Variants in VPS13D observed in about 807,000 individuals in gnomAD.
VPS13D encodes the protein intermembrane lipid transfer protein VPS13D.
Under a neutral mutation model 461.9 loss-of-function variants are expected in VPS13D, and 187 were observed. The ratio of observed to expected loss-of-function variants is 0.40; its 90% CI spans 0.36 to 0.46. The LOEUF (loss-of-function observed/expected upper bound fraction) is 0.46, where lower values mean the gene tolerates loss of function less well. Ranked by LOEUF, VPS13D falls within the 20% of genes least tolerant of loss-of-function variation. The pLI, the probability that VPS13D is intolerant of heterozygous loss-of-function variation, is 0.60. For missense variants in VPS13D, 4,711 were observed against 5,364.9 expected (o/e 0.88, Z 3.81); for synonymous variants, 1,951 against 1,986.3 (o/e 0.98, Z 0.47).
intron 55 of VPS13D, among the ~76,000 whole-genome samples, chr1:12,378,030 T>G (rs1644224458): frequency 6.6e-6 from 1 of 152,114 alleles, no homozygotes; most frequent in African/African-American, 2.4e-5. Context: ...AGTCTTTATG[T>G]AATTGCACTC....
chr1:12,312,873 C>T (rs935107438), intron 29 of VPS13D, among the ~76,000 whole-genome samples: 1 of 152,210 alleles, frequency 6.6e-6, no homozygotes, highest in Non-Finnish European at 1.5e-5. Flanking sequence ...CATCTGGAAG[C>T]GGAGTAGCAA....
chr1:12,280,515 T>G (rs1047601172), intron 20 of VPS13D, among the ~76,000 whole-genome samples: 1 of 151,764 alleles, frequency 6.6e-6, no homozygotes, highest in Non-Finnish European at 1.5e-5. Context: ...TTTTTTTTTT[T>G]TTTGAGACGG....
chr1:12,269,020 C>T, intron 16 of VPS13D, 144 bp downstream of exon 16: 1 of 777,990 alleles, frequency 1.3e-6, no homozygotes, highest in Non-Finnish European at 1.9e-6. Flanking sequence ...TTGCCCTGTC[C>T]TGTTACTAAA....
chr1:12,463,159 C>T (rs1486692259), intron 67 of VPS13D, among the ~76,000 whole-genome samples: 5 of 152,138 alleles, frequency 3.3e-5, no homozygotes, highest in Admixed American at 2.6e-4. Flanking sequence ...CAAAAGCTAC[C>T]GTGATCATTG....
At chr1:12,365,129 T>TGCCA (rs1342264474) in intron 52 of VPS13D, among the ~76,000 whole-genome samples, 2 of 152,224 alleles carry the variant, frequency 1.3e-5, no homozygotes, top group Non-Finnish European at 2.9e-5. Context: ...TATGTCTTTA[T>TGCCA]GCCAGTACCA....
At chr1:12,455,726 C>T (rs939140194) in intron 65 of VPS13D, among the ~76,000 whole-genome samples, 1 of 152,060 alleles carries the variant, frequency 6.6e-6, no homozygotes, top group African/African-American at 2.4e-5. Flanking sequence ...CGAGACTAGC[C>T]TGACCAACAT....
intron 6 of VPS13D, among the ~76,000 whole-genome samples, chr1:12,251,749 T>C (rs917500621): frequency 6.6e-6 from 1 of 152,156 alleles, no homozygotes; most frequent in Non-Finnish European, 1.5e-5. Context: ...TCTGCCTGCA[T>C]CAAAACGTTC....
chr1:12,342,942 G>A lies in VPS13D; in HGVS notation c.8776G>A (p.Gly2926Arg). The change falls in exon 42 of 70, where the codon GGG (glycine) becomes AGG (arginine). Residue 2926 changes from glycine to arginine, a missense_variant. Around this residue, in one of 3 missense-constraint regions of VPS13D, gnomAD observed 4,411 missense variants for 4,937.8 expected, o/e 0.89. Coordinates refer to ENST00000620676, the MANE Select transcript of VPS13D (RefSeq NM_015378.4). ...HSGSPGVVPE[G>R]NGTFLDDTHN... ...TGGGAGTCCAGGGGTAGTTCCAGAA[G>A]GGAACGGAACATTTCTCGATGATAC... 6.2e-7 allele frequency: 1 copy of A among 1,613,714 alleles called. No homozygotes were observed. The highest frequency in any genetic ancestry group is 8.5e-7 in the Non-Finnish European group (1 of 1,179,662).
chr1:12,485,643 T>C (rs548312290), intron 67 of VPS13D, among the ~76,000 whole-genome samples: 1 of 152,296 alleles, frequency 6.6e-6, no homozygotes, highest in Non-Finnish European at 1.5e-5. Context: ...CAGAACAGAT[T>C]GTAATTTTTA....
intron 68 of VPS13D, among the ~76,000 whole-genome samples, chr1:12,504,057 G>C (rs1646071276): frequency 6.6e-6 from 1 of 152,182 alleles, no homozygotes; most frequent in Admixed American, 6.5e-5. Context: ...CTCTCACAGA[G>C]TGACAAGTTT....
At chr1:12,257,838 T>C in intron 9 of VPS13D, 97 bp from the exon 10 acceptor site, 2 of 1,402,622 alleles carry the variant, frequency 1.4e-6, no homozygotes, top group Non-Finnish European at 2.0e-6. Context: ...AAAAGATGTC[T>C]CAGGAGAGGA....
At chr1:12,231,079 C>G (rs1046104296) in intron 1 of VPS13D, among the ~76,000 whole-genome samples, 2 of 152,186 alleles carry the variant, frequency 1.3e-5, no homozygotes. Context: ...TTCCTATTCC[C>G]GGTCTGGCCG....
chr1:12,323,431 G>GTGGAATGA (rs1172437961), intron 34 of VPS13D, among the ~76,000 whole-genome samples: 1 of 152,000 alleles, frequency 6.6e-6, no homozygotes, highest in Non-Finnish European at 1.5e-5. Flanking sequence ...GGGCCAGATG[G>GTGGAATGA]TGGAATGAAG....
chr1:12,311,451 T>C lies in VPS13D; in HGVS notation c.6651-3T>C. The stretch of plus-strand genomic sequence containing the variant: ...TGTAAGTGATCTTTTTTCTTTTTCA[T>C]AGAGAAATAAGTCATACTGTGCCAG... On this transcript the variant is annotated splice_region_variant and splice_polypyrimidine_tract_variant and intron_variant, in intron 27 of 69. Transcript: ENST00000620676. The C allele has an allele frequency of 6.3e-7, 1 of 1,596,516 alleles. No individual in the cohort carries two copies. The highest frequency in any genetic ancestry group is 8.5e-7 in the Non-Finnish European group (1 of 1,173,168).
chr1:12,489,373 T>G (rs989769620), intron 67 of VPS13D, among the ~76,000 whole-genome samples: 1 of 152,198 alleles, frequency 6.6e-6, no homozygotes, highest in Non-Finnish European at 1.5e-5. Context: ...CCAGGAAATG[T>G]CATCCCTGCT....
In VPS13D at chr1:12,308,724, A is replaced by G. The variant is rs1642643617; in HGVS notation, c.6650+83A>G. 6 of 1,301,026 alleles carry G rather than the reference A, an allele frequency of 4.6e-6. No individual in the cohort carries two copies. In the East Asian group the frequency reaches 1.4e-4, roughly 30 times the overall value. The allele number at this position is 1,301,026 out of a possible 1,614,324, so 80.6% of individuals were successfully genotyped here. A position where few individuals can be genotyped will look rare whatever the true frequency, so the allele number is the denominator to read the frequency against. On this transcript the variant is annotated intron_variant, in intron 27 of 69. Transcript: ENST00000620676. ...GAGTGCAGTGGCGCAATCTTGGCTC[A>G]CTGCAACCTCCACCTCTGAGGTTCA...
intron 37 of VPS13D, 91 bp from the exon 38 acceptor site, chr1:12,333,135 A>G: frequency 6.8e-7 from 1 of 1,467,724 alleles, no homozygotes; most frequent in South Asian, 1.3e-5. Context: ...ATTAAGCTCG[A>G]GTTTGTCCTT....
chr1:12,403,402 G>A (rs72868264), intron 62 of VPS13D, among the ~76,000 whole-genome samples: 107 of 152,360 alleles, frequency 7.0e-4, no homozygotes, highest in African/African-American at 2.4e-3. Context: ...TCAGATTCGT[G>A]AATTGGTGAT....
At chr1:12,418,089 A>G (rs1178710453) in intron 65 of VPS13D, among the ~76,000 whole-genome samples, 1 of 152,000 alleles carries the variant, frequency 6.6e-6, no homozygotes, top group Non-Finnish European at 1.5e-5. Flanking sequence ...TGTATTTTTT[A>G]GTAGAGACGG....
Sources: gnomAD v4.1 joint callset for allele counts (sites outside exome capture counted in the v4.1 genomes callset) on GRCh38, gnomAD v4.1.1 for gene constraint, gnomAD v4.1.1 regional missense constraint, MANE v1.5 for transcripts, NCBI Gene and HGNC (gene_info 2026-07-23, HGNC 2026-07-21) for gene names.